The following EPHA5 variants were observed in gnomAD, a reference collection of about 807,000 sequenced individuals.
EPHA5 encodes the protein EPH receptor A5, also known as ephrin type-A receptor 5.
A neutral mutation model predicts 105.0 loss-of-function variants in EPHA5; 60 were observed. That is an observed-to-expected ratio of 0.57 (90% CI 0.46 to 0.71). The LOEUF (loss-of-function observed/expected upper bound fraction) is 0.71, where lower values mean the gene tolerates loss of function less well. EPHA5 is among the 30% of genes least tolerant of loss of function. The probability of loss-of-function intolerance (pLI) is 0.00; values close to 1 mark genes in which losing one functional copy is unlikely to be tolerated. For missense variants in EPHA5, 1,218 were observed against 1,274.7 expected (o/e 0.96, Z 0.68); for synonymous variants, 513 against 449.1 (o/e 1.14, Z -1.80).
intron 5 of EPHA5, among the ~76,000 whole-genome samples, chr4:65,460,225 A>G (rs149781644): frequency 6.6e-6 from 1 of 151,582 alleles, no homozygotes; most frequent in South Asian, 2.1e-4. Context: ...GAATTATGTT[A>G]ATGTATGTAG....
chr4:65,568,033 G>T (rs1430704760), intron 3 of EPHA5, among the ~76,000 whole-genome samples: 1 of 151,358 alleles, frequency 6.6e-6, no homozygotes, highest in Non-Finnish European at 1.5e-5. Context: ...AATTGAAAAA[G>T]TGTTTCATTT....
chr4:65,601,595 C>G, intron 3 of EPHA5, 46 bp downstream of exon 3: 1 of 1,557,980 alleles, frequency 6.4e-7, no homozygotes, highest in African/African-American at 1.4e-5. Flanking sequence ...TATACATGAT[C>G]CAACTGAAGC....
At chr4:65,505,920 T>A (rs1049096609) in intron 3 of EPHA5, among the ~76,000 whole-genome samples, 5 of 152,176 alleles carry the variant, frequency 3.3e-5, no homozygotes, top group African/African-American at 1.2e-4. Context: ...TACATATGTA[T>A]ACATGTGCCA....
chr4:65,511,223 C>T (rs1478874924), intron 3 of EPHA5, among the ~76,000 whole-genome samples: 1 of 152,124 alleles, frequency 6.6e-6, no homozygotes, highest in Non-Finnish European at 1.5e-5. Flanking sequence ...CAACAAAGTA[C>T]AGGGTGGAGA....
At chr4:65,351,876 C>T (rs1722852039) in intron 12 of EPHA5, among the ~76,000 whole-genome samples, 1 of 151,980 alleles carries the variant, frequency 6.6e-6, no homozygotes, top group South Asian at 2.1e-4. Context: ...TATTCTCAGT[C>T]ATCAGAAGGG....
rs1578701418 is a variant in EPHA5, at chr4:65,654,531, G to A, written c.182-11104C>T. Among the ~76,000 whole-genome samples the A allele has an allele frequency of 3.3e-5, 5 of 151,542 alleles. No individual in the cohort carries two copies. In the East Asian group the frequency reaches 7.8e-4, roughly 24 times the overall value. ...TTGATTATCATTCAGTCTTCTAATA[G>A]CATGGCCCTGAGAATAGAAACTCCT... On this transcript the variant is annotated intron_variant, in intron 1 of 16. Coordinates refer to ENST00000613740, the MANE Select transcript of EPHA5 (RefSeq NM_001281766.3).
chr4:65,619,872 C>T (rs937781513), intron 2 of EPHA5, among the ~76,000 whole-genome samples: 1 of 151,472 alleles, frequency 6.6e-6, no homozygotes, highest in South Asian at 2.1e-4. Flanking sequence ...CCTTATATTT[C>T]TTTCTAAAAC....
chr4:65,440,038 T>A (rs1054271970), intron 5 of EPHA5, among the ~76,000 whole-genome samples: 2 of 152,096 alleles, frequency 1.3e-5, no homozygotes, highest in African/African-American at 4.8e-5. Flanking sequence ...TCAGAAATAC[T>A]TGACACTAAT....
chr4:65,552,832 T>G (rs959671591), intron 3 of EPHA5, among the ~76,000 whole-genome samples: 3 of 152,170 alleles, frequency 2.0e-5, no homozygotes, highest in African/African-American at 7.2e-5. Flanking sequence ...CCTAATTAAA[T>G]GTAATCCACA....
chr4:65,408,579 A>G (rs1395366540), intron 7 of EPHA5, among the ~76,000 whole-genome samples: 4 of 152,134 alleles, frequency 2.6e-5, no homozygotes, highest in Non-Finnish European at 5.9e-5. Context: ...GCCAAAAAAC[A>G]CATGAAAAAA....
At chr4:65,368,476 G>A (rs1405065276) in intron 8 of EPHA5, among the ~76,000 whole-genome samples, 1 of 151,948 alleles carries the variant, frequency 6.6e-6, no homozygotes, top group Admixed American at 6.6e-5. Flanking sequence ...ACTTATTCTT[G>A]TGTCCTTCAC....
At chr4:65,489,956 T>C (rs1731243617) in intron 5 of EPHA5, among the ~76,000 whole-genome samples, 2 of 152,176 alleles carry the variant, frequency 1.3e-5, no homozygotes. Flanking sequence ...TTCATCTGTG[T>C]TGCCAAGCAA....
intron 11 of EPHA5, among the ~76,000 whole-genome samples, chr4:65,356,168 AG>A (rs1723278348): frequency 6.6e-6 from 1 of 151,516 alleles, no homozygotes; most frequent in African/African-American, 2.4e-5. Flanking sequence ...TTATGTTTTC[AG>A]GGCTTTTCCT....
At chr4:65,324,271 T>C (rs773080609) in intron 16 of EPHA5, 52 bp from the exon 17 acceptor site, 2 of 1,273,306 alleles carry the variant, frequency 1.6e-6, no homozygotes, top group Non-Finnish European at 2.3e-6. Context: ...GTAGCACACC[T>C]CAATATTTCA....
intron 3 of EPHA5, among the ~76,000 whole-genome samples, chr4:65,518,634 T>C (rs1187463179): frequency 1.3e-5 from 2 of 152,058 alleles, no homozygotes; most frequent in Non-Finnish European, 2.9e-5. Flanking sequence ...TTTATCATTA[T>C]GTTCTTACGT....
At position 65,414,303 on chromosome 4, in the gene EPHA5, C is replaced by G. The variant is rs2149018515; in HGVS notation, c.1668G>C (p.Glu556Asp). Residue 556 changes from glutamate to aspartate, a missense_variant, in exon 7 of 17, where the codon GAG becomes GAC. Transcript: ENST00000613740. ...AGYGVFSRRF[E>D]FETTPVSVAA... Reference sequence around the variant, plus strand: ...ACTTACACACTGGGGTGGTTTCAAACTCAAATCTTCGACTGAAGACACCAT... The same window carrying G: ...ACTTACACACTGGGGTGGTTTCAAAGTCAAATCTTCGACTGAAGACACCAT... The G allele has an allele frequency of 6.2e-7, 1 of 1,613,830 alleles. No homozygotes were observed. Among genetic ancestry groups the G allele is most frequent in the South Asian group, 1.1e-5 (1 of 91,062 alleles).
intron 3 of EPHA5, among the ~76,000 whole-genome samples, chr4:65,496,827 A>G (rs74401071): frequency 0.01 from 1,598 of 152,296 alleles, 31 homozygotes; most frequent in African/African-American, 0.037. Flanking sequence ...AAAGAGTTCT[A>G]TGAAATGTGT....
chr4:65,421,632 A>G (rs75091487), intron 5 of EPHA5, among the ~76,000 whole-genome samples: 1 of 152,086 alleles, frequency 6.6e-6, no homozygotes, highest in Non-Finnish European at 1.5e-5. Flanking sequence ...TCATTTTTTT[A>G]GATTTACTTA....
intron 3 of EPHA5, among the ~76,000 whole-genome samples, chr4:65,597,015 T>C (rs1743258337): frequency 6.6e-6 from 1 of 152,200 alleles, no homozygotes; most frequent in Non-Finnish European, 1.5e-5. Context: ...GTACTGTTTC[T>C]GAATCAAGGC....
Sources: allele counts gnomAD v4.1 joint callset (sites outside exome capture counted in the v4.1 genomes callset), GRCh38; gene constraint gnomAD v4.1.1; transcripts MANE v1.5; gene names NCBI Gene and HGNC (gene_info 2026-07-23, HGNC 2026-07-21).